Variants in RYR2 observed in about 807,000 individuals in gnomAD.
RYR2 encodes the protein cardiac muscle ryanodine receptor-calcium release channel.
A neutral mutation model predicts 601.1 loss-of-function variants in RYR2; 227 were observed. The observed-to-expected ratio is 0.38, with a 90% CI of 0.34 to 0.42. The LOEUF is 0.42. RYR2 is among the 10% of genes least tolerant of loss of function. The pLI is 1.00. For missense variants in RYR2, 4,646 were observed against 6,156.5 expected (o/e 0.75, Z 8.21); for synonymous variants, 2,223 against 2,175.1 (o/e 1.02, Z -0.61).
rs558181064 is a variant in RYR2, at chr1:237,671,050, T to G, written c.8591-3046T>G. Among the ~76,000 whole-genome samples the G allele has an allele frequency of 3.9e-5, 6 of 152,358 alleles. No individual in the cohort carries two copies. The East Asian group carries it at 5.8e-4, about 15-fold the overall frequency. On this transcript the variant is annotated intron_variant, in intron 58 of 104. Coordinates refer to ENST00000366574, the MANE Select transcript of RYR2 (RefSeq NM_001035.3). ...CCATACTTCTGCATACAACTTGTAC[T>G]GGCTCAAATTTGTATTCTGTAGTTG...
chr1:237,582,976 T>C lies in RYR2; in HGVS notation c.3599-6817T>C, dbSNP rs1416845445. Among the ~76,000 whole-genome samples, 3 of 151,618 alleles carry C rather than the reference T, an allele frequency of 2.0e-5. No individual in the cohort carries two copies. In the Admixed American group the frequency reaches 2.0e-4, roughly 10 times the overall value. Reference sequence around the variant, plus strand: ...GGATTGCTAGGTTGAATGGTAGTTCTGTTTTAAGTTCTTTGAGAAATCTCC... The same window carrying C: ...GGATTGCTAGGTTGAATGGTAGTTCCGTTTTAAGTTCTTTGAGAAATCTCC... On this transcript the variant is annotated intron_variant, in intron 29 of 104. Transcript: ENST00000366574.
rs12070037 is a variant in RYR2 at position 237,226,143 on chromosome 1, G to A, written c.49-44354G>A. ...TAGTGAAAAGTTCACATTTCTGTTAGAACAGGGAACGGAAGGGTTAATGAT... is the reference window on the plus strand; with the variant it reads ...TAGTGAAAAGTTCACATTTCTGTTAAAACAGGGAACGGAAGGGTTAATGAT... On this transcript the variant is annotated intron_variant, in intron 1 of 104. Transcript: ENST00000366574. Among the ~76,000 whole-genome samples, 999 of 152,224 alleles carry A rather than the reference G, an allele frequency of 6.6e-3. 12 individuals carry two copies. Among genetic ancestry groups the A allele is most frequent in the African/African-American group, 0.021 (874 of 41,524 alleles).
intron 84 of RYR2, among the ~76,000 whole-genome samples, chr1:237,765,038 C>T (rs1287043053): frequency 2.0e-5 from 3 of 149,698 alleles, no homozygotes; most frequent in Non-Finnish European, 3.0e-5. Context: ...CTGAGCCTCC[C>T]AGTTTTTTTT....
chr1:237,073,779 G>A (rs1664669337), intron 1 of RYR2, among the ~76,000 whole-genome samples: 1 of 147,734 alleles, frequency 6.8e-6, no homozygotes, highest in African/African-American at 2.5e-5. Flanking sequence ...GCTGAGGCAT[G>A]AGAATCGCTT....
chr1:237,759,922 T>C, intron 83 of RYR2, 70 bp downstream of exon 83: 1 of 942,774 alleles, frequency 1.1e-6, no homozygotes, highest in Non-Finnish European at 1.7e-6. Context: ...TGTTTCTTAC[T>C]CTGACGATAA....
chr1:237,158,668 C>T (rs1044663825), intron 1 of RYR2, among the ~76,000 whole-genome samples: 6 of 152,126 alleles, frequency 3.9e-5, no homozygotes, highest in South Asian at 2.1e-4. Context: ...ATTTGATGAA[C>T]GGTTAAACTA....
At chr1:237,594,886 GTTTTTTTTTTTTTTTTTTTTTTTTTT>G (rs776702428) in intron 33 of RYR2, among the ~76,000 whole-genome samples, 2 of 60,402 alleles carry the variant, frequency 3.3e-5, no homozygotes, top group African/African-American at 1.9e-4. Flanking sequence ...ATATCACTGG[GTTTTTTTTTTTTTTTTTTTTTTTTTT>G]TTTTTTTTTT....
At chr1:237,598,022 A>G (rs549175597) in intron 34 of RYR2, among the ~76,000 whole-genome samples, 1 of 152,360 alleles carries the variant, frequency 6.6e-6, no homozygotes, top group East Asian at 1.9e-4. Context: ...GAGTGAGCAG[A>G]AGTAGCCACA....
intron 1 of RYR2, among the ~76,000 whole-genome samples, chr1:237,164,115 G>A (rs1240799753): frequency 3.3e-5 from 5 of 152,132 alleles, no homozygotes; most frequent in Non-Finnish European, 7.4e-5. Context: ...GTGAAACCTC[G>A]TCTCTACTAA....
At chr1:237,463,885 T>G (rs745372299) in intron 16 of RYR2, among the ~76,000 whole-genome samples, 8 of 152,176 alleles carry the variant, frequency 5.3e-5, no homozygotes, top group Non-Finnish European at 1.0e-4. Context: ...TCCGTTTTAT[T>G]TTTGGAAAGG....
At chr1:237,270,746 C>T in intron 2 of RYR2, 130 bp downstream of exon 2, 1 of 1,053,522 alleles carries the variant, frequency 9.5e-7, no homozygotes, top group Non-Finnish European at 1.3e-6. Context: ...ACAATGTTTT[C>T]CATCTCCATT....
chr1:237,346,068 A>C (rs961512474), intron 3 of RYR2, among the ~76,000 whole-genome samples: 2 of 152,060 alleles, frequency 1.3e-5, no homozygotes, highest in Non-Finnish European at 2.9e-5. Flanking sequence ...GATAATTTTG[A>C]GTTAGTGCAT....
intron 3 of RYR2, among the ~76,000 whole-genome samples, chr1:237,347,478 A>C (rs1698405036): frequency 6.6e-6 from 1 of 152,188 alleles, no homozygotes; most frequent in South Asian, 2.1e-4. Flanking sequence ...GTTTTAATGA[A>C]AAGTATATAA....
chr1:237,083,598 C>T (rs1254678203), intron 1 of RYR2, among the ~76,000 whole-genome samples: 1 of 152,096 alleles, frequency 6.6e-6, no homozygotes, highest in Non-Finnish European at 1.5e-5. Context: ...ATGTCTGTGT[C>T]TTTCTGGGGA....
At chr1:237,820,746 C>T (rs1004567317) in intron 101 of RYR2, among the ~76,000 whole-genome samples, 14 of 152,312 alleles carry the variant, frequency 9.2e-5, no homozygotes, top group East Asian at 5.8e-4. Flanking sequence ...CCCACCCCCA[C>T]GGAGCCCAGC....
intron 101 of RYR2, among the ~76,000 whole-genome samples, chr1:237,827,190 G>GT (rs1213474437): frequency 6.6e-6 from 1 of 152,166 alleles, no homozygotes; most frequent in East Asian, 1.9e-4. Flanking sequence ...AAAATAACGT[G>GT]TTTTCTAAGA....
At chr1:237,168,008 C>A (rs994830708) in intron 1 of RYR2, among the ~76,000 whole-genome samples, 2 of 152,174 alleles carry the variant, frequency 1.3e-5, no homozygotes, top group Non-Finnish European at 2.9e-5. Flanking sequence ...CCCCAAACAA[C>A]AACAATTCCT....
chr1:237,362,127 G>A (rs144656727), intron 4 of RYR2, among the ~76,000 whole-genome samples: 1 of 152,168 alleles, frequency 6.6e-6, no homozygotes, highest in South Asian at 2.1e-4. Context: ...TCCATCTGAT[G>A]TGTCAATTCC....
intron 36 of RYR2, among the ~76,000 whole-genome samples, chr1:237,613,563 A>G (rs1373677672): frequency 1.3e-5 from 2 of 152,128 alleles, no homozygotes; most frequent in East Asian, 1.9e-4. Flanking sequence ...CCTTGATACA[A>G]TGGAGGAGGA....
Sources: allele counts gnomAD v4.1 joint callset (sites outside exome capture counted in the v4.1 genomes callset), GRCh38; gene constraint gnomAD v4.1.1; transcripts MANE v1.5; gene names NCBI Gene and HGNC (gene_info 2026-07-23, HGNC 2026-07-21).